The following ETV6 variants were observed in gnomAD, a reference collection of about 807,000 sequenced individuals.
The protein encoded by ETV6 is transcription factor ETV6.
In ETV6, 16 loss-of-function variants were observed where a neutral mutation model predicts 51.1. That is an observed-to-expected ratio of 0.31 (90% CI 0.21 to 0.48). The LOEUF is 0.48. ETV6 is among the 20% of genes least tolerant of loss of function. The pLI is 0.99. For missense variants in ETV6, 458 were observed against 594.8 expected (o/e 0.77, Z 2.39); for synonymous variants, 240 against 224.1 (o/e 1.07, Z -0.64).
intron 1 of ETV6, among the ~76,000 whole-genome samples, chr12:11,681,037 A>C (rs1236740091): frequency 1.3e-5 from 2 of 152,196 alleles, no homozygotes; most frequent in Non-Finnish European, 2.9e-5. Context: ...GGTGGCACAG[A>C]TGAAGCCATT....
At chr12:11,706,714 C>T (rs577342039) in intron 1 of ETV6, among the ~76,000 whole-genome samples, 1 of 152,246 alleles carries the variant, frequency 6.6e-6, no homozygotes, top group Non-Finnish European at 1.5e-5. Flanking sequence ...GCTGCCCTTG[C>T]AGGGCCCGAC....
At chr12:11,706,101 G>A (rs777017806) in intron 1 of ETV6, among the ~76,000 whole-genome samples, 4 of 152,240 alleles carry the variant, frequency 2.6e-5, no homozygotes, top group Non-Finnish European at 4.4e-5. Flanking sequence ...GGAAGCGAAC[G>A]TTCCTTCTGT....
intron 5 of ETV6, among the ~76,000 whole-genome samples, chr12:11,875,809 T>A (rs1482755975): frequency 2.6e-5 from 4 of 152,210 alleles, no homozygotes; most frequent in Non-Finnish European, 5.9e-5. Flanking sequence ...GCGTTTTTTT[T>A]AAATCAAGTT....
chr12:11,696,082 G>C (rs961952015), intron 1 of ETV6, among the ~76,000 whole-genome samples: 2 of 152,060 alleles, frequency 1.3e-5, no homozygotes, highest in African/African-American at 4.8e-5. Flanking sequence ...TAAATTAACA[G>C]GAGAAAAATA....
intron 4 of ETV6, among the ~76,000 whole-genome samples, chr12:11,858,765 T>C (rs1411033559): frequency 6.6e-6 from 1 of 152,152 alleles, no homozygotes; most frequent in Admixed American, 6.5e-5. Context: ...GGATGCAGTT[T>C]TAAGGTGGCA....
chr12:11,817,418 G>T (rs1946009369), intron 2 of ETV6, among the ~76,000 whole-genome samples: 1 of 152,140 alleles, frequency 6.6e-6, no homozygotes, highest in Admixed American at 6.5e-5. Context: ...ACAGCAGGAA[G>T]AAAAATGTCT....
At chr12:11,839,465 G>T (rs1394976954) in intron 3 of ETV6, among the ~76,000 whole-genome samples, 161 bp downstream of exon 3, 1 of 152,228 alleles carries the variant, frequency 6.6e-6, no homozygotes, top group Admixed American at 6.5e-5. Flanking sequence ...GCTAGCATGA[G>T]CCAGTTTGAG....
intron 1 of ETV6, among the ~76,000 whole-genome samples, chr12:11,674,219 C>T (rs35929278): frequency 0.04 from 6,032 of 152,016 alleles, 135 homozygotes; most frequent in Admixed American, 0.062. Flanking sequence ...GTCCTTGCCT[C>T]GTTAGTTCCA....
intron 2 of ETV6, among the ~76,000 whole-genome samples, chr12:11,788,794 C>T (rs1221801257): frequency 7.1e-6 from 1 of 140,240 alleles, no homozygotes; most frequent in Non-Finnish European, 1.5e-5. Context: ...TATTATCTAG[C>T]ATTATTTCAC....
chr12:11,738,227 TCCC>T (rs1865742290), intron 1 of ETV6, among the ~76,000 whole-genome samples: 3 of 131,176 alleles, frequency 2.3e-5, no homozygotes, highest in Non-Finnish European at 5.2e-5. Context: ...CTTCCTTCCC[TCCC>T]TCCCTCCTTC....
At chr12:11,749,304 CA>C (rs1865971638) in intron 1 of ETV6, among the ~76,000 whole-genome samples, 2 of 54,316 alleles carry the variant, frequency 3.7e-5, no homozygotes, top group African/African-American at 1.4e-4. Flanking sequence ...CACACACACA[CA>C]CACACACACA....
chr12:11,711,091 GACC>G (rs1294269318), intron 1 of ETV6, among the ~76,000 whole-genome samples: 3 of 152,168 alleles, frequency 2.0e-5, no homozygotes, highest in Admixed American at 6.5e-5. Flanking sequence ...TCTTTAGTTT[GACC>G]ACCACTAATC....
Position 11,874,451 on chromosome 12 carries a change from C to T in ETV6, c.1009+4482C>T, listed in dbSNP as rs1294233661. 2.9e-5 allele frequency among the ~76,000 whole-genome samples: 4 copies of T among 135,654 alleles called. 2 individuals are homozygous for T. The highest frequency in any genetic ancestry group is 1.5e-4 in the Admixed American group (2 of 13,490). 89.0% of individuals were successfully genotyped at this position (135,654 alleles called of 152,430 possible). A position where few individuals can be genotyped will look rare whatever the true frequency, so the allele number is the denominator to read the frequency against. ...ACACACATATATGTATATATATATG[C>T]GTATGTATATATACACACACACGTG... On this transcript the variant is annotated intron_variant, in intron 5 of 7. Coordinates refer to ENST00000396373, the MANE Select transcript of ETV6 (RefSeq NM_001987.5).
chr12:11,884,262 C>T (rs992225306), intron 5 of ETV6, among the ~76,000 whole-genome samples, 183 bp from the exon 6 acceptor site: 1 of 152,196 alleles, frequency 6.6e-6, no homozygotes, highest in East Asian at 1.9e-4. Context: ...AAAGGTCACA[C>T]AACAGGACCT....
At chr12:11,727,951 C>G (rs890570090) in intron 1 of ETV6, among the ~76,000 whole-genome samples, 1 of 152,174 alleles carries the variant, frequency 6.6e-6, no homozygotes, top group Admixed American at 6.5e-5. Flanking sequence ...TCCCGAGTAG[C>G]TGGGATTACA....
intron 2 of ETV6, among the ~76,000 whole-genome samples, chr12:11,829,225 A>G (rs1345938622): frequency 6.6e-6 from 1 of 152,140 alleles, no homozygotes; most frequent in Non-Finnish European, 1.5e-5. Flanking sequence ...GAGACACGGG[A>G]CAAAGTACAA....
intron 2 of ETV6, among the ~76,000 whole-genome samples, chr12:11,815,131 T>C (rs778477492): frequency 6.6e-6 from 1 of 152,168 alleles, no homozygotes; most frequent in Non-Finnish European, 1.5e-5. Flanking sequence ...GACTTAGTGA[T>C]GTTTTATAGT....
rs921592943 is a variant in ETV6, at chr12:11,650,150, G to T, written c.23G>T (p.Cys8Phe). 6.2e-7 allele frequency: 1 copy of T among 1,613,714 alleles called. No individual in the cohort carries two copies. Among genetic ancestry groups the T allele is most frequent in the Non-Finnish European group, 8.5e-7 (1 of 1,179,716 alleles). Reference sequence around the variant, plus strand: ...GACATGTCTGAGACTCCTGCTCAGTGTAGCATTAAGGTAAAAATCTTCTCC... The same window carrying T: ...GACATGTCTGAGACTCCTGCTCAGTTTAGCATTAAGGTAAAAATCTTCTCC... MSETPAQCSIKQERISYT... is the reference protein window; with the variant it reads MSETPAQFSIKQERISYT... Residue 8 changes from cysteine (C) to phenylalanine (F), a missense_variant, in exon 1 of 8, where the codon TGT becomes TTT. Around this residue, in one of 4 missense-constraint regions of ETV6, gnomAD observed 84 missense variants for 75.9 expected, o/e 1.11. Coordinates refer to ENST00000396373, the MANE Select transcript of ETV6 (RefSeq NM_001987.5).
rs1591751994 is a variant in ETV6, at chr12:11,887,590, G to T, written c.1253+1564G>T. Among the ~76,000 whole-genome samples the T allele has an allele frequency of 2.0e-5, 3 of 151,604 alleles. No individual in the cohort carries two copies. In the South Asian group the frequency reaches 6.3e-4, roughly 32 times the overall value. On this transcript the variant is annotated intron_variant, in intron 7 of 7. Coordinates refer to ENST00000396373, the MANE Select transcript of ETV6 (RefSeq NM_001987.5). ...TGGTGAAACCCCATCTCTACTAAAA[G>T]TACAAAAATTAGCTGAGCGTAGTGG... is the stretch of plus-strand genomic sequence containing the variant.
Sources: allele counts gnomAD v4.1 joint callset (sites outside exome capture counted in the v4.1 genomes callset), GRCh38; gene constraint gnomAD v4.1.1; regional missense constraint gnomAD v4.1.1; transcripts MANE v1.5; gene names NCBI Gene and HGNC (gene_info 2026-07-23, HGNC 2026-07-21).